Variants in CACNA1C observed in about 807,000 individuals in gnomAD.
The protein encoded by CACNA1C is voltage-dependent L-type calcium channel subunit alpha-1C.
CACNA1C carries 30 observed loss-of-function variants against 229.0 expected under a neutral mutation model. That is an observed-to-expected ratio of 0.13 (90% confidence interval 0.10 to 0.18). CACNA1C has a LOEUF of 0.18. Among genes scored for constraint, CACNA1C ranks in the 10% least tolerant of loss-of-function variants. The pLI is 1.00. For synonymous variants in CACNA1C, 1,114 were observed against 1,132.5 expected (o/e 0.98, Z 0.33); for missense variants, 1,658 against 2,845.0 (o/e 0.58, Z 9.49).
chr12:2,348,149 G>A lies in CACNA1C; in HGVS notation c.478-100827G>A, dbSNP rs898258428. ...TCCTGCCTGCTGCAGGAGTGGGAGC[G>A]TGGGGCTAGCTGCCAGTGGGATGGC... On this transcript the variant is annotated intron_variant, in intron 3 of 46. Coordinates refer to ENST00000399655, the MANE Select transcript of CACNA1C (RefSeq NM_000719.7). The surrounding 1 kb of genome is among the most constrained non-coding windows in gnomAD (Gnocchi z 4.7). Among the ~76,000 whole-genome samples the A allele has an allele frequency of 2.0e-4, 31 of 152,308 alleles. No individual in the cohort carries two copies. Among genetic ancestry groups the A allele is most frequent in the African/African-American group, 5.0e-4 (21 of 41,588 alleles).
In CACNA1C at chr12:2,632,551, C is replaced by T. The variant is rs1196311889; in HGVS notation, c.3829-1746C>T. Among the ~76,000 whole-genome samples, 1 of 152,190 alleles carries T rather than the reference C, an allele frequency of 6.6e-6. No homozygotes were observed. The highest frequency in any genetic ancestry group is 1.5e-5 in the Non-Finnish European group (1 of 68,038). On this transcript the variant is annotated intron_variant, in intron 29 of 46. Coordinates refer to ENST00000399655, the MANE Select transcript of CACNA1C (RefSeq NM_000719.7). This position sits in a 1 kb window ranked among gnomAD's most constrained non-coding sequence, Gnocchi z 4.1. ...AGTCTTTTAAGAACATTCGTCCCTT[C>T]TCTTCTCCAAACATGGTGAAAAATA...
chr12:2,485,591 T>C (rs769300089), intron 5 of CACNA1C, among the ~76,000 whole-genome samples: 1 of 152,174 alleles, frequency 6.6e-6, no homozygotes, highest in Non-Finnish European at 1.5e-5. Flanking sequence ...ATTGATCATT[T>C]CAATGATTTT....
chr12:2,606,411 A>G (rs2075371656), intron 24 of CACNA1C, among the ~76,000 whole-genome samples, 200 bp from the exon 25 acceptor site: 1 of 151,670 alleles, frequency 6.6e-6, no homozygotes, highest in Non-Finnish European at 1.5e-5. Flanking sequence ...CTGTTTTTGC[A>G]TTGCAGTGCT....
chr12:2,332,357 A>C (rs1273071798), intron 3 of CACNA1C, among the ~76,000 whole-genome samples: 1 of 152,220 alleles, frequency 6.6e-6, no homozygotes, highest in Non-Finnish European at 1.5e-5. Context: ...TTCAAAATAA[A>C]AAGATAAAAA....
chr12:2,017,422 T>G (rs2045576668), intron 1 of CACNA1C, among the ~76,000 whole-genome samples: 1 of 152,178 alleles, frequency 6.6e-6, no homozygotes, highest in Admixed American at 6.5e-5. Context: ...ATTTATGGGT[T>G]TCAGAATGAT....
intron 3 of CACNA1C, among the ~76,000 whole-genome samples, chr12:2,333,450 G>T (rs558212846): frequency 4.0e-4 from 61 of 152,296 alleles, no homozygotes; most frequent in Non-Finnish European, 7.3e-4. Context: ...ATTTCCTCAA[G>T]CTTGTTATTA....
chr12:2,536,646 TAGTG>T (rs2099856307), intron 9 of CACNA1C, among the ~76,000 whole-genome samples: 2 of 152,044 alleles, frequency 1.3e-5, no homozygotes, highest in Admixed American at 1.3e-4. Flanking sequence ...CTGGGCAACA[TAGTG>T]AGACCTTGTC....
chr12:2,528,363 A>G (rs889593483), intron 9 of CACNA1C, among the ~76,000 whole-genome samples: 6 of 152,174 alleles, frequency 3.9e-5, no homozygotes, highest in African/African-American at 1.2e-4. Context: ...AAACCTGATC[A>G]TTTCAGTCCA....
Position 2,195,600 on chromosome 12 carries a change from G to A in CACNA1C, c.477+75170G>A, listed in dbSNP as rs116121088. ...GTTGGACAAACTGAATGGGGGTTAG[G>A]AAACCACTTCTGTAGGAAGCAGGGG... On this transcript the variant is annotated intron_variant, in intron 3 of 46. Coordinates refer to ENST00000399655, the MANE Select transcript of CACNA1C (RefSeq NM_000719.7). Among the ~76,000 whole-genome samples the A allele has an allele frequency of 2.2e-3, 340 of 152,318 alleles. 1 individual carries two copies. Among genetic ancestry groups the A allele is most frequent in the African/African-American group, 7.7e-3 (319 of 41,576 alleles).
chr12:2,518,432 C>G (rs961072924), intron 9 of CACNA1C, among the ~76,000 whole-genome samples: 1 of 151,922 alleles, frequency 6.6e-6, no homozygotes, highest in Non-Finnish European at 1.5e-5. Flanking sequence ...CACAGTGAAA[C>G]CCCGTCTCTA....
At position 2,550,028 on chromosome 12, in the gene CACNA1C, G is replaced by T. The variant is rs1447946742; in HGVS notation, c.1476G>T (p.Arg492Ser). The T allele has an allele frequency of 6.2e-7, 1 of 1,601,932 alleles. No individual in the cohort carries two copies. The highest frequency in any genetic ancestry group is 1.1e-5 in the South Asian group (1 of 88,698). Residue 492 changes from arginine to serine, a missense_variant, in exon 10 of 47, where the codon AGG becomes AGT. This residue lies in a region of CACNA1C where 149 missense variants were observed against 194.2 expected (regional missense o/e 0.77). Coordinates refer to ENST00000399655, the MANE Select transcript of CACNA1C (RefSeq NM_000719.7). The stretch of plus-strand genomic sequence containing the variant: ...TCGAGGGAGAAAACTGCGGGGCCAG[G>T]CTGGCGTGAGTAGGCACGGCGAGCC... ...GDIEGENCGA[R>S]LAHRISKSKF...
chr12:2,057,328 C>T (rs370024461), intron 1 of CACNA1C, among the ~76,000 whole-genome samples: 4 of 152,200 alleles, frequency 2.6e-5, no homozygotes, highest in Admixed American at 6.5e-5. Flanking sequence ...TAAATGTCTG[C>T]GTGAATGAAT....
chr12:2,256,969 A>G (rs2078143596), intron 3 of CACNA1C, among the ~76,000 whole-genome samples: 1 of 152,196 alleles, frequency 6.6e-6, no homozygotes, highest in African/African-American at 2.4e-5. Flanking sequence ...CAGATATGTT[A>G]CAGTTGCACT....
At position 2,649,532 on chromosome 12, in the gene CACNA1C, A is replaced by G. The variant is rs1477269334; in HGVS notation, c.3945+1025A>G. ...GGATCTGCCTCCTTTTTGCATTGTT[A>G]TTTGGTTTATTAGAGCAAATTGGTG... On this transcript the variant is annotated intron_variant, in intron 31 of 46. Coordinates refer to ENST00000399655, the MANE Select transcript of CACNA1C (RefSeq NM_000719.7). The surrounding 1 kb of genome is among the most constrained non-coding windows in gnomAD (Gnocchi z 4.4). Among the ~76,000 whole-genome samples the G allele has an allele frequency of 6.6e-6, 1 of 152,066 alleles. No homozygotes were observed. The highest frequency in any genetic ancestry group is 1.5e-5 in the Non-Finnish European group (1 of 68,014).
intron 3 of CACNA1C, among the ~76,000 whole-genome samples, chr12:2,418,865 G>A (rs897023258): frequency 2.3e-4 from 35 of 152,178 alleles, no homozygotes; most frequent in African/African-American, 7.7e-4. Context: ...TCCACTGCTT[G>A]TAGAGGGGAT....
chr12:2,360,053 T>A (rs1334253638), intron 3 of CACNA1C, among the ~76,000 whole-genome samples: 1 of 151,890 alleles, frequency 6.6e-6, no homozygotes, highest in African/African-American at 2.4e-5. Flanking sequence ...GGACACGTAG[T>A]AAAAAATACA....
chr12:2,389,129 A>G (rs906888161), intron 3 of CACNA1C, among the ~76,000 whole-genome samples: 1 of 152,126 alleles, frequency 6.6e-6, no homozygotes, highest in Non-Finnish European at 1.5e-5. Flanking sequence ...GAAAACCAGG[A>G]AAGTGTGGAG....
chr12:2,317,350 A>G (rs1233366000), intron 3 of CACNA1C, among the ~76,000 whole-genome samples: 1 of 152,256 alleles, frequency 6.6e-6, no homozygotes, highest in African/African-American at 2.4e-5. Flanking sequence ...ATGCTGCAAC[A>G]TGGATGAACC....
intron 3 of CACNA1C, among the ~76,000 whole-genome samples, chr12:2,328,420 G>T (rs2096416325): frequency 6.6e-6 from 1 of 152,182 alleles, no homozygotes; most frequent in Non-Finnish European, 1.5e-5. Context: ...TTGTCCAAAG[G>T]TGTGACTTAG....
Sources: allele counts gnomAD v4.1 joint callset (sites outside exome capture counted in the v4.1 genomes callset), GRCh38; gene constraint gnomAD v4.1.1; regional missense constraint gnomAD v4.1.1; non-coding constraint Gnocchi (gnomAD v3.1); transcripts MANE v1.5; gene names NCBI Gene and HGNC (gene_info 2026-07-23, HGNC 2026-07-21).